The following DYRK1A variants were observed in gnomAD, a reference collection of about 807,000 sequenced individuals.
The protein encoded by DYRK1A is dual specificity tyrosine phosphorylation regulated kinase 1A.
In DYRK1A, 9 loss-of-function variants were observed where a neutral mutation model predicts 79.7. That is an observed-to-expected ratio of 0.11 (90% CI 0.07 to 0.20). The LOEUF (loss-of-function observed/expected upper bound fraction) is 0.20, where lower values mean the gene tolerates loss of function less well. Among genes scored for constraint, DYRK1A ranks in the 10% least tolerant of loss-of-function variants. DYRK1A has a pLI of 1.00. For synonymous variants in DYRK1A, 349 were observed against 329.7 expected (o/e 1.06, Z -0.63); for missense variants, 622 against 956.0 (o/e 0.65, Z 4.61).
intron 2 of DYRK1A, among the ~76,000 whole-genome samples, chr21:37,453,702 T>C (rs920561679): frequency 6.6e-6 from 1 of 152,178 alleles, no homozygotes; most frequent in African/African-American, 2.4e-5. Context: ...CTCATTGAAA[T>C]GTATTATAAC....
intron 2 of DYRK1A, among the ~76,000 whole-genome samples, chr21:37,469,694 C>CT (rs1032266589): frequency 1.2e-4 from 19 of 152,104 alleles, no homozygotes; most frequent in African/African-American, 2.4e-4. Flanking sequence ...TTTAAACAGC[C>CT]TTTTTTCGTG....
intron 2 of DYRK1A, among the ~76,000 whole-genome samples, chr21:37,457,397 TTG>T (rs908761225): frequency 1.3e-5 from 2 of 151,080 alleles, no homozygotes; most frequent in Admixed American, 6.6e-5. Context: ...GATCGCCTAA[TTG>T]TGTGTGTGTG....
rs2053876458 is a variant in DYRK1A, at chr21:37,515,954, GTGT to G, written c.*3426_*3428del. On this transcript the variant is annotated 3_prime_UTR_variant, in exon 12 of 12. Transcript: ENST00000647188. The stretch of plus-strand genomic sequence containing the variant: ...CCTGTACTGCTTCCCAGCTTTTGTG[GTGT>G]TGAACTTTTCTGTTCTTCCAATAGG... 1 of 152,172 alleles carries G rather than the reference GTGT, an allele frequency of 6.6e-6. No homozygotes were observed. Among genetic ancestry groups the G allele is most frequent in the Non-Finnish European group, 1.5e-5 (1 of 68,038 alleles). 9.4% of individuals were successfully genotyped at this position (152,172 alleles called of 1,614,324 possible).
intron 9 of DYRK1A, among the ~76,000 whole-genome samples, chr21:37,500,439 A>C (rs1460456892): frequency 6.6e-6 from 1 of 152,170 alleles, no homozygotes; most frequent in Non-Finnish European, 1.5e-5. Flanking sequence ...TTTATTAATA[A>C]AACCATCATT....
chr21:37,483,323 A>G (rs1601240963), intron 5 of DYRK1A, among the ~76,000 whole-genome samples: 2 of 152,178 alleles, frequency 1.3e-5, no homozygotes, highest in Admixed American at 6.5e-5. Context: ...ACTTCCCGCA[A>G]CACTCTATGT....
chr21:37,398,904 C>CTTTTTT (rs75261593), intron 1 of DYRK1A, among the ~76,000 whole-genome samples: 1 of 137,076 alleles, frequency 7.3e-6, no homozygotes, highest in Non-Finnish European at 1.6e-5. Context: ...GGAGGAGAAA[C>CTTTTTT]TTTTTTTTTT....
chr21:37,371,914 A>G (rs2049438845), intron 1 of DYRK1A, among the ~76,000 whole-genome samples: 1 of 152,270 alleles, frequency 6.6e-6, no homozygotes, highest in South Asian at 2.1e-4. Flanking sequence ...AACATTTCCA[A>G]TGACAAGATT....
intron 2 of DYRK1A, among the ~76,000 whole-genome samples, chr21:37,433,587 A>G (rs936430440): frequency 6.6e-6 from 1 of 152,230 alleles, no homozygotes; most frequent in African/African-American, 2.4e-5. Flanking sequence ...TAGTTCAAAA[A>G]TGTACCAAAA....
chr21:37,508,176 G>T (rs1881277149), intron 11 of DYRK1A, among the ~76,000 whole-genome samples: 1 of 152,100 alleles, frequency 6.6e-6, no homozygotes. Context: ...TCATTGTTAT[G>T]ACTTGTCTTA....
chr21:37,395,044 C>G (rs1256731777), intron 1 of DYRK1A, among the ~76,000 whole-genome samples: 2 of 152,190 alleles, frequency 1.3e-5, no homozygotes, highest in Non-Finnish European at 2.9e-5. Flanking sequence ...CCAGACAGAT[C>G]TCTCCCTTCT....
chr21:37,486,156 A>C (rs1369783433), intron 5 of DYRK1A: 1 of 166,702 alleles, frequency 6.0e-6, no homozygotes, highest in Non-Finnish European at 1.3e-5. Context: ...AAGAGTCATA[A>C]TTTATTTCTG....
At chr21:37,424,689 C>T (rs1272182775) in intron 2 of DYRK1A, among the ~76,000 whole-genome samples, 2 of 152,040 alleles carry the variant, frequency 1.3e-5, no homozygotes, top group Non-Finnish European at 1.5e-5. Context: ...ATGCTTATTT[C>T]CTAGTTAAGT....
intron 2 of DYRK1A, among the ~76,000 whole-genome samples, chr21:37,453,227 T>C (rs756535297): frequency 2.0e-5 from 3 of 152,262 alleles, no homozygotes; most frequent in Non-Finnish European, 2.9e-5. Flanking sequence ...TGAGGTATTT[T>C]ACATTTTATG....
At chr21:37,493,389 TAGAA>T (rs763515455) in intron 8 of DYRK1A, among the ~76,000 whole-genome samples, 1 of 152,198 alleles carries the variant, frequency 6.6e-6, no homozygotes, top group South Asian at 2.1e-4. Context: ...GGAGAACAGT[TAGAA>T]AGTGTTAAGT....
intron 9 of DYRK1A, chr21:37,504,370 A>T (rs1361661887): frequency 6.6e-6 from 1 of 152,228 alleles, no homozygotes; most frequent in Non-Finnish European, 1.5e-5. Context: ...CTTCTCGCTC[A>T]TCTGTGGCTT....
chr21:37,477,981 C>T (rs1432771662), intron 3 of DYRK1A, among the ~76,000 whole-genome samples: 1 of 152,208 alleles, frequency 6.6e-6, no homozygotes, highest in African/African-American at 2.4e-5. Flanking sequence ...AAGCCTCAGG[C>T]AGCTGGGCAT....
intron 1 of DYRK1A, among the ~76,000 whole-genome samples, chr21:37,403,218 A>G (rs780847368): frequency 6.6e-6 from 1 of 151,220 alleles, no homozygotes; most frequent in East Asian, 1.9e-4. Context: ...TTTTTTTTAT[A>G]ATTTTTATTT....
chr21:37,479,623 T>TTTTTTTTTTTG (rs2052558394), intron 4 of DYRK1A, among the ~76,000 whole-genome samples: 16 of 106,578 alleles, frequency 1.5e-4, no homozygotes, highest in African/African-American at 6.5e-4. Context: ...TTTTTTGTTT[T>TTTTTTTTTTTG]TTTTTTTTTT....
chr21:37,402,954 G>A (rs2050079921), intron 1 of DYRK1A, among the ~76,000 whole-genome samples: 2 of 151,972 alleles, frequency 1.3e-5, no homozygotes, highest in African/African-American at 4.8e-5. Flanking sequence ...AGTAGAGATG[G>A]GTTTTCACCA....
Sources: allele counts gnomAD v4.1 joint callset (sites outside exome capture counted in the v4.1 genomes callset), GRCh38; gene constraint gnomAD v4.1.1; transcripts MANE v1.5; gene names NCBI Gene and HGNC (gene_info 2026-07-23, HGNC 2026-07-21).